TRPC4: variants seen among roughly 807,000 people sequenced by gnomAD.
TRPC4 encodes short transient receptor potential channel 4.
In TRPC4, 49 loss-of-function variants were observed where a neutral mutation model predicts 99.4. The ratio of observed to expected loss-of-function variants is 0.49; its 90% CI spans 0.39 to 0.63. The LOEUF (loss-of-function observed/expected upper bound fraction) is 0.63. TRPC4 is among the 20% of genes least tolerant of loss of function. The pLI, the probability that TRPC4 is intolerant of heterozygous loss-of-function variation, is 0.00. For synonymous variants in TRPC4, 454 were observed against 425.9 expected, an observed-to-expected ratio of 1.07 and a Z score of -0.81; for missense variants, 898 against 1,152.9, an observed-to-expected ratio of 0.78 and a Z score of 3.20.
At chr13:37,764,688 T>TTTTGTTACA in intron 2 of TRPC4, among the ~76,000 whole-genome samples, 1 of 151,512 alleles carries the variant, frequency 6.6e-6, no homozygotes, top group East Asian at 1.9e-4. Flanking sequence ...ACTGTAGATT[T>TTTTGTTACA]TTTGTTACAT....
intron 2 of TRPC4, among the ~76,000 whole-genome samples, chr13:37,778,365 C>T (rs982531353): frequency 3.3e-5 from 5 of 151,864 alleles, no homozygotes; most frequent in Admixed American, 2.0e-4. Flanking sequence ...TGAGATAAAA[C>T]AAGTAAAATT....
chr13:37,786,033 A>G (rs1182967596), intron 1 of TRPC4, among the ~76,000 whole-genome samples: 1 of 152,032 alleles, frequency 6.6e-6, no homozygotes. Flanking sequence ...TAGGTAATCT[A>G]TTTCTCTATC....
At chr13:37,714,166 G>A (rs367947103) in intron 3 of TRPC4, among the ~76,000 whole-genome samples, 25 of 147,166 alleles carry the variant, frequency 1.7e-4, no homozygotes, top group African/African-American at 3.3e-4. Flanking sequence ...TTACTCTGTC[G>A]CCCAGGCTGG....
At chr13:37,803,068 T>C (rs9576355) in intron 1 of TRPC4, among the ~76,000 whole-genome samples, 1 of 151,912 alleles carries the variant, frequency 6.6e-6, no homozygotes. Flanking sequence ...TTGTTTCTTT[T>C]ATTGCCCAAA....
intron 1 of TRPC4, among the ~76,000 whole-genome samples, chr13:37,784,890 G>A (rs1956931222): frequency 6.6e-6 from 1 of 151,994 alleles, no homozygotes; most frequent in African/African-American, 2.4e-5. Flanking sequence ...GTGTTTAAGA[G>A]CTAATATGAA....
chr13:37,712,258 C>T (rs1954511265), intron 3 of TRPC4, among the ~76,000 whole-genome samples: 5 of 152,182 alleles, frequency 3.3e-5, no homozygotes, highest in Admixed American at 3.3e-4. Context: ...CCCCACACTG[C>T]TTTTCACTAT....
chr13:37,793,241 A>G (rs1209832928), intron 1 of TRPC4, among the ~76,000 whole-genome samples: 1 of 152,188 alleles, frequency 6.6e-6, no homozygotes, highest in African/African-American at 2.4e-5. Context: ...TAAAAACTGG[A>G]GAAATGACTG....
chr13:37,681,080 A>G (rs1011294574), intron 4 of TRPC4, among the ~76,000 whole-genome samples: 6 of 152,128 alleles, frequency 3.9e-5, no homozygotes, highest in Non-Finnish European at 5.9e-5. Flanking sequence ...AAGGAGGTAT[A>G]AAGAAGAAGT....
chr13:37,672,310 T>C (rs1952877275), intron 5 of TRPC4, among the ~76,000 whole-genome samples: 1 of 152,204 alleles, frequency 6.6e-6, no homozygotes, highest in South Asian at 2.1e-4. Context: ...TCTAAATAGA[T>C]GTATAACAGC....
intron 1 of TRPC4, among the ~76,000 whole-genome samples, chr13:37,799,771 T>G (rs1048332519): frequency 6.6e-6 from 1 of 152,218 alleles, no homozygotes; most frequent in African/African-American, 2.4e-5. Context: ...GAAGGTTCGA[T>G]CTGAAGACTT....
chr13:37,747,245 A>G (rs576985813), intron 2 of TRPC4, among the ~76,000 whole-genome samples: 2 of 152,262 alleles, frequency 1.3e-5, no homozygotes, highest in African/African-American at 4.8e-5. Context: ...TGCCAGGTAC[A>G]TTAACCCTCA....
intron 8 of TRPC4, among the ~76,000 whole-genome samples, chr13:37,650,818 G>T (rs1220607314): frequency 7.8e-6 from 1 of 128,416 alleles, no homozygotes; most frequent in Non-Finnish European, 1.7e-5. Context: ...CTTTGTGCAG[G>T]GACTTTGTTA....
In TRPC4 at chr13:37,692,014, A is replaced by G. The variant is rs1415801237; in HGVS notation, c.1219T>C (p.Leu407=). Residue 407 remains leucine (L), a synonymous_variant, in exon 4 of 11, where the codon TTA becomes CTA. Coordinates refer to ENST00000379705, the MANE Select transcript of TRPC4 (RefSeq NM_016179.4). ...PPPTIVEWMI[L]PWVLGFIWGE... is the part of the protein sequence containing the mutation. ...ACACATTTACCCAGGACCCACGGTA[A>G]TATCATCCACTCGACGATGGTTGGT... is the stretch of plus-strand genomic sequence containing the variant. The G allele has an allele frequency of 1.9e-6, 3 of 1,613,466 alleles. No homozygotes were observed. The Admixed American group carries it at 5.0e-5, about 27-fold the overall frequency.
intron 8 of TRPC4, among the ~76,000 whole-genome samples, chr13:37,650,127 C>A (rs903906344): frequency 1.3e-5 from 2 of 152,198 alleles, no homozygotes; most frequent in African/African-American, 4.8e-5. Flanking sequence ...GTGCTGATGA[C>A]AATGCCTGGT....
intron 5 of TRPC4, among the ~76,000 whole-genome samples, chr13:37,667,827 G>C (rs1400419639): frequency 6.6e-6 from 1 of 152,150 alleles, no homozygotes; most frequent in Non-Finnish European, 1.5e-5. Flanking sequence ...CCTCAAATTA[G>C]TCACACATTC....
At chr13:37,843,421 T>C (rs1006536858) in intron 1 of TRPC4, among the ~76,000 whole-genome samples, 1 of 152,200 alleles carries the variant, frequency 6.6e-6, no homozygotes, top group Non-Finnish European at 1.5e-5. Context: ...TAAAAGTCAG[T>C]TAGCAACTTA....
chr13:37,841,517 T>C (rs931565264), intron 1 of TRPC4, among the ~76,000 whole-genome samples: 1 of 151,036 alleles, frequency 6.6e-6, no homozygotes, highest in Non-Finnish European at 1.5e-5. Context: ...ATAGCTAATA[T>C]CTAGGATGCA....
At chr13:37,819,488 G>C (rs1484148712) in intron 1 of TRPC4, among the ~76,000 whole-genome samples, 8 of 151,988 alleles carry the variant, frequency 5.3e-5, no homozygotes, top group African/African-American at 1.9e-4. Flanking sequence ...ATACTATGTA[G>C]CCATGAAAAG....
chr13:37,848,514 G>A (rs1347081194), intron 1 of TRPC4, among the ~76,000 whole-genome samples: 1 of 152,042 alleles, frequency 6.6e-6, no homozygotes, highest in Non-Finnish European at 1.5e-5. Flanking sequence ...ATGCTTGTAA[G>A]AGCACATAGA....
Sources: allele counts gnomAD v4.1 joint callset (sites outside exome capture counted in the v4.1 genomes callset), GRCh38; gene constraint gnomAD v4.1.1; transcripts MANE v1.5; gene names NCBI Gene and HGNC (gene_info 2026-07-23, HGNC 2026-07-21).